THAP12: variants seen among roughly 807,000 people sequenced by gnomAD.
The protein encoded by THAP12 is 52 kDa repressor of the inhibitor of the protein kinase.
In THAP12, 20 loss-of-function variants were observed where a neutral mutation model predicts 63.0. The observed-to-expected ratio is 0.32, with a 90% confidence interval of 0.22 to 0.46. The LOEUF is 0.46. Among genes scored for constraint, THAP12 ranks in the 20% least tolerant of loss-of-function variants. The pLI is 1.00. For missense variants in THAP12, 568 were observed against 908.2 expected (o/e 0.63, Z 4.81); for synonymous variants, 264 against 328.4 (o/e 0.80, Z 2.12).
chr11:76,374,320 G>A (rs1946693930), intron 1 of THAP12, among the ~76,000 whole-genome samples: 1 of 150,036 alleles, frequency 6.7e-6, no homozygotes. Context: ...CCATAAATTG[G>A]TCATTTGGAA....
At chr11:76,378,957 T>C (rs372586322) in intron 1 of THAP12, among the ~76,000 whole-genome samples, 1 of 152,142 alleles carries the variant, frequency 6.6e-6, no homozygotes, top group Non-Finnish European at 1.5e-5. Flanking sequence ...CCCAAACTTC[T>C]AGTATTCCTC....
intron 2 of THAP12, among the ~76,000 whole-genome samples, chr11:76,365,098 T>G (rs964900054): frequency 6.6e-6 from 1 of 151,814 alleles, no homozygotes; most frequent in African/African-American, 2.4e-5. Context: ...CTGGCCAACA[T>G]GGAGAAATCC....
chr11:76,352,912 G>C lies in THAP12; in HGVS notation c.356-118C>G, dbSNP rs1394468523. 10 of 1,229,908 alleles carry C rather than the reference G, an allele frequency of 8.1e-6. No homozygotes were observed. The South Asian group carries it at 1.7e-4, about 21-fold the overall frequency. The allele number at this position is 1,229,908 out of a possible 1,614,324, so 76.2% of individuals were successfully genotyped here. On this transcript the variant is annotated intron_variant, in intron 4 of 4. Transcript: ENST00000260045. ...CAAACTCATTCATTCAATATTCATA[G>C]GGTATTTACTAGACCACAGACTAGG...
chr11:76,355,425 A>AAG (rs1174525125), intron 4 of THAP12, among the ~76,000 whole-genome samples, 193 bp downstream of exon 4: 6 of 152,242 alleles, frequency 3.9e-5, no homozygotes, highest in Non-Finnish European at 8.8e-5. Context: ...GTGGCATTGC[A>AAG]GCACTCAATA....
intron 1 of THAP12, among the ~76,000 whole-genome samples, chr11:76,374,739 A>T (rs567203425): frequency 6.6e-6 from 1 of 152,364 alleles, no homozygotes; most frequent in South Asian, 2.1e-4. Context: ...TTATGAAAAT[A>T]GTTCTGACAT....
chr11:76,376,424 G>T (rs750534858), intron 1 of THAP12, among the ~76,000 whole-genome samples: 2 of 152,140 alleles, frequency 1.3e-5, no homozygotes, highest in African/African-American at 2.4e-5. Flanking sequence ...AATTACAGGA[G>T]GCAGATGTCC....
chr11:76,375,115 T>C (rs1216718427), intron 1 of THAP12, among the ~76,000 whole-genome samples: 5 of 152,220 alleles, frequency 3.3e-5, no homozygotes, highest in African/African-American at 1.2e-4. Flanking sequence ...AGAAAACCAC[T>C]GTTTTACATT....
intron 1 of THAP12, among the ~76,000 whole-genome samples, chr11:76,376,806 G>C (rs929496007): frequency 1.3e-5 from 2 of 151,930 alleles, no homozygotes; most frequent in African/African-American, 4.8e-5. Context: ...CTCCCCTTAA[G>C]GAGTGTAGTC....
In THAP12 at chr11:76,351,270, A is replaced by G. The variant is rs1227244244; in HGVS notation, c.1880T>C (p.Met627Thr). 4 of 1,567,344 alleles carry G rather than the reference A, an allele frequency of 2.6e-6. No individual in the cohort carries two copies. The Admixed American group carries it at 7.1e-5, about 28-fold the overall frequency. The change falls in exon 5 of 5, where the codon ATG (methionine) becomes ACG (threonine). Residue 627 changes from methionine to threonine, a missense_variant. Physicochemically the swap from Met to Thr is moderately conservative, Grantham distance 81 (BLOSUM62 -1). Transcript: ENST00000260045. Reference sequence around the variant, plus strand: ...AGGATTGGGTAAGTCACTTCTATACATGTCAGCATGGTGTTCCTCCGACGT... The same window carrying G: ...AGGATTGGGTAAGTCACTTCTATACGTGTCAGCATGGTGTTCCTCCGACGT... ...FNTSEEHHADMYRSDLPNPDT... is the reference protein window; with the variant it reads ...FNTSEEHHADTYRSDLPNPDT...
Position 76,352,486 on chromosome 11 carries a change from T to C in THAP12, c.664A>G (p.Thr222Ala). 1 of 1,612,038 alleles carries C rather than the reference T, an allele frequency of 6.2e-7. No individual in the cohort carries two copies. The highest frequency in any genetic ancestry group is 1.1e-5 in the South Asian group (1 of 90,992). ...CAAAACAACGTGTTAACTGCTGTTG[T>C]CTCAAACCGCTTTCTCAGAACCTCT... ...GEEVLRKRFE[T>A]TAVNTLFCSK... The change falls in exon 5 of 5, where the codon ACA becomes GCA. Residue 222 changes from threonine to alanine, a missense_variant. By Grantham distance (58) the Thr-to-Ala change is moderately conservative. Coordinates refer to ENST00000260045, the MANE Select transcript of THAP12 (RefSeq NM_004705.4).
intron 3 of THAP12, chr11:76,358,945 A>G (rs1173971569): frequency 6.6e-6 from 1 of 152,248 alleles, no homozygotes; most frequent in Non-Finnish European, 1.5e-5. Context: ...ATTGTTCAAC[A>G]TAGTACCAGG....
intron 1 of THAP12, among the ~76,000 whole-genome samples, chr11:76,375,968 T>C (rs945127050): frequency 2.6e-5 from 4 of 152,136 alleles, no homozygotes; most frequent in Non-Finnish European, 4.4e-5. Context: ...AGGAGAAATA[T>C]TGTATGATTC....
At chr11:76,377,836 G>A (rs958919333) in intron 1 of THAP12, among the ~76,000 whole-genome samples, 1 of 152,156 alleles carries the variant, frequency 6.6e-6, no homozygotes, top group Non-Finnish European at 1.5e-5. Context: ...CTCTAATAAC[G>A]AGTGATGCTC....
At chr11:76,360,140 A>G (rs777008280) in intron 3 of THAP12, among the ~76,000 whole-genome samples, 17 of 152,344 alleles carry the variant, frequency 1.1e-4, no homozygotes, top group Middle Eastern at 6.8e-3. Context: ...TACATCATAC[A>G]TACTAACTCC....
At chr11:76,361,570 C>T (rs560611153) in intron 2 of THAP12, among the ~76,000 whole-genome samples, 1 of 152,338 alleles carries the variant, frequency 6.6e-6, no homozygotes, top group South Asian at 2.1e-4. Context: ...GAGTGACTCA[C>T]TAAGACACCC....
intron 1 of THAP12, among the ~76,000 whole-genome samples, chr11:76,379,195 A>G (rs556310914): frequency 6.6e-6 from 1 of 152,238 alleles, no homozygotes; most frequent in African/African-American, 2.4e-5. Context: ...CCTCCAAACC[A>G]TTAGCAAATG....
In THAP12 at chr11:76,351,677, A is replaced by C; in HGVS notation, c.1473T>G (p.Ser491=). The C allele has an allele frequency of 6.3e-7, 1 of 1,587,358 alleles. No homozygotes were observed. The highest frequency in any genetic ancestry group is 1.2e-5 in the South Asian group (1 of 86,742). The change falls in exon 5 of 5, where the codon TCT becomes TCG. Residue 491 remains serine, a synonymous_variant. Coordinates refer to ENST00000260045, the MANE Select transcript of THAP12 (RefSeq NM_004705.4). ...VTIVVLKNVL[S]FTRAFGKNLQ... ...GGTTTTTCCCAAAGGCTCTTGTAAA[A>C]GATAGGACATTTTTAAGAACAACAA...
At position 76,352,041 on chromosome 11, in the gene THAP12, T is replaced by C. The variant is rs751012055; in HGVS notation, c.1109A>G (p.Lys370Arg). 2.5e-6 allele frequency: 4 copies of C among 1,611,396 alleles called. No homozygotes were observed. The South Asian group carries it at 4.4e-5, about 18-fold the overall frequency. The change falls in exon 5 of 5, where the codon AAA becomes AGA. Residue 370 changes from lysine to arginine, a missense_variant. Lys to Arg is a conservative substitution (Grantham distance 26). Transcript: ENST00000260045. Reference sequence around the variant, plus strand: ...AGATACTCCCATAACAGGTACTGATTTTGCCAACCACATATTTAAGGCACA... The same window carrying C: ...AGATACTCCCATAACAGGTACTGATCTTGCCAACCACATATTTAAGGCACA... ...SSCALNMWLA[K>R]SVPVMGVSVA...
chr11:76,365,704 C>A, intron 2 of THAP12, 148 bp downstream of exon 2: 1 of 1,106,838 alleles, frequency 9.0e-7, no homozygotes, highest in South Asian at 1.8e-5. Flanking sequence ...AAAACAGATA[C>A]TTTTCAGCTC....
Sources: allele counts gnomAD v4.1 joint callset (sites outside exome capture counted in the v4.1 genomes callset), GRCh38; gene constraint gnomAD v4.1.1; transcripts MANE v1.5; gene names NCBI Gene and HGNC (gene_info 2026-07-23, HGNC 2026-07-21).